SOX5: variants seen among roughly 807,000 people sequenced by gnomAD.
The protein encoded by SOX5 is transcription factor SOX-5.
In SOX5, 9 loss-of-function variants were observed where a neutral mutation model predicts 92.0. That is an observed-to-expected ratio of 0.10 (90% CI 0.06 to 0.17). The LOEUF (loss-of-function observed/expected upper bound fraction) is 0.17. Ranked by LOEUF, SOX5 falls within the 10% of genes least tolerant of loss-of-function variation. The pLI, the probability that SOX5 is intolerant of heterozygous loss-of-function variation, is 1.00. For synonymous variants in SOX5, 344 were observed against 336.3 expected (o/e 1.02, Z -0.25); for missense variants, 642 against 944.5 (o/e 0.68, Z 4.20).
chr12:23,648,187 A>G (rs1213685816), intron 7 of SOX5, among the ~76,000 whole-genome samples: 2 of 152,340 alleles, frequency 1.3e-5, no homozygotes, highest in Admixed American at 1.3e-4. Context: ...AAAAATTATC[A>G]AAATATGACA....
At chr12:23,974,263 A>T (rs922571338) in intron 4 of SOX5, among the ~76,000 whole-genome samples, 2 of 152,216 alleles carry the variant, frequency 1.3e-5, no homozygotes, top group African/African-American at 4.8e-5. Context: ...TTATCCATTC[A>T]TCTGTTGATA....
intron 3 of SOX5, among the ~76,000 whole-genome samples, chr12:24,273,869 T>C (rs981169608): frequency 2.0e-5 from 3 of 152,214 alleles, no homozygotes; most frequent in African/African-American, 7.2e-5. Flanking sequence ...TTGTTATATG[T>C]AGGATATCTA....
rs185009284 is a variant in SOX5, at chr12:24,195,166, T to C, written c.-2+18177A>G. Among the ~76,000 whole-genome samples, 985 of 151,988 alleles carry C rather than the reference T, an allele frequency of 6.5e-3. 18 individuals are homozygous for C. The highest frequency in any genetic ancestry group is 0.04 in the Admixed American group (614 of 15,262). On this transcript the variant is annotated intron_variant, in intron 4 of 4. Coordinates refer to the SOX5 transcript ENST00000446891. The stretch of plus-strand genomic sequence containing the variant: ...AAAAAAAAAAACACGAGAAAAATAT[T>C]TCTAGGATCAGATCATGAATACTAA...
At chr12:24,220,687 G>C (rs1232833100) in intron 3 of SOX5, among the ~76,000 whole-genome samples, 1 of 152,062 alleles carries the variant, frequency 6.6e-6, no homozygotes, top group African/African-American at 2.4e-5. Flanking sequence ...CATCCAATTG[G>C]AAGTATCTAA....
At chr12:23,824,951 A>G (rs979492020) in intron 3 of SOX5, among the ~76,000 whole-genome samples, 1 of 152,138 alleles carries the variant, frequency 6.6e-6, no homozygotes, top group African/African-American at 2.4e-5. Context: ...TCACCCAGTT[A>G]AAGTGTCCCA....
At chr12:24,227,617 G>T (rs1962361990) in intron 3 of SOX5, 2 of 152,152 alleles carry the variant, frequency 1.3e-5, no homozygotes, top group South Asian at 4.1e-4. Flanking sequence ...GTGGGGGGCG[G>T]TGAGGGAACC....
chr12:23,639,268 C>T (rs187781574), intron 8 of SOX5, among the ~76,000 whole-genome samples: 497 of 152,284 alleles, frequency 3.3e-3, no homozygotes, highest in Admixed American at 4.8e-3. Context: ...TATTCTCCCA[C>T]TGTCTCTACA....
chr12:24,043,230 T>G (rs1956682204), intron 4 of SOX5, among the ~76,000 whole-genome samples: 1 of 152,160 alleles, frequency 6.6e-6, no homozygotes, highest in Non-Finnish European at 1.5e-5. Flanking sequence ...TCATTTTCTG[T>G]CAACAGAAGA....
intron 1 of SOX5, among the ~76,000 whole-genome samples, chr12:24,497,127 G>T (rs1269034848): frequency 6.6e-6 from 1 of 152,172 alleles, no homozygotes. Context: ...CTACAGCTAG[G>T]CTATGGTTTC....
intron 4 of SOX5, among the ~76,000 whole-genome samples, chr12:23,995,458 G>T (rs1025373455): frequency 6.6e-6 from 1 of 152,164 alleles, no homozygotes; most frequent in Non-Finnish European, 1.5e-5. Context: ...ACTCTGGGAG[G>T]CCAAGGCAGA....
At chr12:23,557,443 C>T (rs561029533) in intron 11 of SOX5, among the ~76,000 whole-genome samples, 29 of 152,220 alleles carry the variant, frequency 1.9e-4, no homozygotes, top group Admixed American at 5.2e-4. Context: ...ACACTGTAGG[C>T]AATTAATGTT....
At chr12:24,005,465 C>T (rs902796744) in intron 4 of SOX5, among the ~76,000 whole-genome samples, 1 of 152,048 alleles carries the variant, frequency 6.6e-6, no homozygotes, top group Non-Finnish European at 1.5e-5. Flanking sequence ...ATGTTTCTGC[C>T]TCAGAGCCTT....
At chr12:23,935,630 T>C (rs942017273) in intron 1 of SOX5, among the ~76,000 whole-genome samples, 2 of 151,162 alleles carry the variant, frequency 1.3e-5, no homozygotes, top group Non-Finnish European at 3.0e-5. Flanking sequence ...TACGTAAGTG[T>C]ATATATGCCT....
chr12:24,496,871 A>C (rs542153745), intron 1 of SOX5, among the ~76,000 whole-genome samples: 3 of 152,318 alleles, frequency 2.0e-5, no homozygotes, highest in African/African-American at 7.2e-5. Context: ...GCTCTTTATG[A>C]ATATACAAGT....
At chr12:23,716,859 A>G (rs1206999150) in intron 6 of SOX5, among the ~76,000 whole-genome samples, 1 of 152,228 alleles carries the variant, frequency 6.6e-6, no homozygotes, top group Non-Finnish European at 1.5e-5. Context: ...CAATCTGTGT[A>G]CAACCCAAAA....
chr12:24,274,366 ACTCTAT>A (rs1382805912), intron 3 of SOX5, among the ~76,000 whole-genome samples: 2 of 152,012 alleles, frequency 1.3e-5, no homozygotes, highest in Non-Finnish European at 2.9e-5. Flanking sequence ...TTATAAAGTG[ACTCTAT>A]CTCTAGTAAT....
At chr12:23,548,650 T>A (rs972343387) in intron 11 of SOX5, among the ~76,000 whole-genome samples, 3 of 151,810 alleles carry the variant, frequency 2.0e-5, no homozygotes, top group African/African-American at 7.3e-5. Flanking sequence ...CACATTTTTT[T>A]TAAAAAAAGT....
intron 1 of SOX5, among the ~76,000 whole-genome samples, chr12:23,930,857 T>C (rs1479570854): frequency 1.3e-5 from 2 of 151,648 alleles, no homozygotes; most frequent in Non-Finnish European, 3.0e-5. Context: ...AAATGTATCA[T>C]TCTTTGCTTT....
At chr12:24,220,736 CTCTTAAGAA>C (rs914665233) in intron 3 of SOX5, among the ~76,000 whole-genome samples, 41 of 152,116 alleles carry the variant, frequency 2.7e-4, no homozygotes, top group African/African-American at 9.9e-4. Context: ...ATTCTGCCTG[CTCTTAAGAA>C]TAGAAAAGCA....
Sources: gnomAD v4.1 joint callset for allele counts (sites outside exome capture counted in the v4.1 genomes callset) on GRCh38, gnomAD v4.1.1 for gene constraint, MANE v1.5 for transcripts, NCBI Gene and HGNC (gene_info 2026-07-23, HGNC 2026-07-21) for gene names.